The following ZNF875 variants were observed in gnomAD, a reference collection of about 807,000 sequenced individuals.
ZNF875 encodes zinc finger protein 875.
In ZNF875, 14 loss-of-function variants were observed where a neutral mutation model predicts 11.2. The ratio of observed to expected loss-of-function variants is 1.26; its 90% CI spans 0.83 to 1.96. The LOEUF (loss-of-function observed/expected upper bound fraction) is 1.96, where lower values mean the gene tolerates loss of function less well. Among genes scored for constraint, ZNF875 ranks in the 30% most tolerant of loss-of-function variants. The pLI is 0.00. For synonymous variants in ZNF875, 301 were observed against 281.1 expected, an observed-to-expected ratio of 1.07 and a Z score of -0.71; for missense variants, 752 against 760.4, an observed-to-expected ratio of 0.99 and a Z score of 0.13.
Position 37,363,046 on chromosome 19 carries a change from G to T in ZNF875, c.1194G>T (p.Glu398Asp). 2 of 1,614,094 alleles carry T rather than the reference G, an allele frequency of 1.2e-6. No homozygotes were observed. Among genetic ancestry groups the T allele is most frequent in the Non-Finnish European group, 1.7e-6 (2 of 1,180,016 alleles). Residue 398 changes from glutamate to aspartate, a missense_variant, in exon 5 of 5, where the codon GAG (glutamate) becomes GAT (aspartate). Transcript: ENST00000392153. ...HSGEKPYICR[E>D]CEQGFSQKSH... ...GAGAGAAGCCTTACATTTGCAGGGA[G>T]TGTGAGCAAGGCTTTAGCCAGAAGT...
At chr19:37,321,400 A>G (rs1208134044) in intron 1 of ZNF875, among the ~76,000 whole-genome samples, 1 of 152,150 alleles carries the variant, frequency 6.6e-6, no homozygotes, top group Non-Finnish European at 1.5e-5. Context: ...AACCTTGTTT[A>G]TGACACAGAG....
At position 37,335,161 on chromosome 19, in the gene ZNF875, A is replaced by G. The variant is rs975700929; in HGVS notation, c.-56-8A>G. 1.0e-5 allele frequency: 7 copies of G among 699,182 alleles called. No individual in the cohort carries two copies. Among genetic ancestry groups the G allele is most frequent in the African/African-American group, 7.0e-5 (4 of 57,130 alleles). 43.3% of individuals were successfully genotyped at this position (699,182 alleles called of 1,614,324 possible). A position where few individuals can be genotyped will look rare whatever the true frequency, so the allele number is the denominator to read the frequency against. ...CTAGGCCACTCTTATTTCTCTTCACATCCCCAGATCTGTCTTCTGAGACTT... is the reference window on the plus strand; with the variant it reads ...CTAGGCCACTCTTATTTCTCTTCACGTCCCCAGATCTGTCTTCTGAGACTT... On this transcript the variant is annotated splice_polypyrimidine_tract_variant and splice_region_variant and intron_variant, in intron 1 of 4. Transcript: ENST00000392153.
intron 1 of ZNF875, among the ~76,000 whole-genome samples, chr19:37,318,435 G>A (rs1337516143): frequency 6.6e-6 from 1 of 151,882 alleles, no homozygotes; most frequent in Non-Finnish European, 1.5e-5. Context: ...ATGGCATTTT[G>A]TTGTTGTTGC....
At chr19:37,334,526 C>G (rs376325254), upstream of ZNF875, 1 of 362,974 alleles carries the variant, frequency 2.8e-6, no homozygotes, top group Admixed American at 3.5e-5. Context: ...GTCAGTCACC[C>G]TGTGTGGTGG....
At chr19:37,355,259 G>A (rs1320417192) in intron 4 of ZNF875, among the ~76,000 whole-genome samples, 4 of 151,996 alleles carry the variant, frequency 2.6e-5, no homozygotes, top group Admixed American at 6.6e-5. Context: ...GCACGATCTC[G>A]GCTCACTGCA....
chr19:37,333,204 T>G (rs1371295289), upstream of ZNF875, among the ~76,000 whole-genome samples: 1 of 152,194 alleles, frequency 6.6e-6, no homozygotes, highest in African/African-American at 2.4e-5. Context: ...CATAGTGATT[T>G]GGATTATCTC....
chr19:37,351,515 G>A (rs2037894005), intron 4 of ZNF875, among the ~76,000 whole-genome samples: 2 of 152,052 alleles, frequency 1.3e-5, no homozygotes, highest in African/African-American at 4.8e-5. Context: ...AGAAGCTTAG[G>A]TCATTGGTAT....
chr19:37,325,550 C>CTT (rs34494440), intron 4 of ZNF875, among the ~76,000 whole-genome samples: 20 of 146,516 alleles, frequency 1.4e-4, no homozygotes, highest in South Asian at 6.5e-4. Flanking sequence ...AAATCATTTA[C>CTT]TTTTTTTTTT....
At chr19:37,347,689 G>T in intron 3 of ZNF875, 88 bp from the exon 4 acceptor site, 3 of 816,236 alleles carry the variant, frequency 3.7e-6, no homozygotes, top group Middle Eastern at 2.2e-4. Flanking sequence ...TTATCCTCTG[G>T]GTTTCCTCAC....
intron 4 of ZNF875, among the ~76,000 whole-genome samples, chr19:37,360,183 C>T (rs2039672325): frequency 6.6e-6 from 1 of 152,062 alleles, no homozygotes; most frequent in Non-Finnish European, 1.5e-5. Context: ...AAAGAGTATC[C>T]TTCCTCCCAT....
At chr19:37,327,497 G>T (rs1297431653) in intron 4 of ZNF875, among the ~76,000 whole-genome samples, 1 of 151,992 alleles carries the variant, frequency 6.6e-6, no homozygotes, top group Non-Finnish European at 1.5e-5. Context: ...GGCAGGCATA[G>T]TGGCTCATAC....
intron 4 of ZNF875, chr19:37,358,130 GATC>G: frequency 2.2e-5 from 4 of 184,968 alleles, no homozygotes; most frequent in Non-Finnish European, 4.1e-5. Context: ...CTATTAAGAT[GATC>G]TTTTTTTTTT....
intron 2 of ZNF875, 126 bp from the exon 3 acceptor site, chr19:37,347,064 A>T: frequency 8.0e-7 from 1 of 1,254,234 alleles, no homozygotes; most frequent in Non-Finnish European, 1.2e-6. Context: ...TGATCCGCCC[A>T]CCTTGGCCTC....
rs557849089 is a variant in ZNF875, at chr19:37,318,356, A to T, written c.-747+170A>T. Among the ~76,000 whole-genome samples, 5 of 151,926 alleles carry T rather than the reference A, an allele frequency of 3.3e-5. 1 individual carries two copies. Among genetic ancestry groups the T allele is most frequent in the Admixed American group, 3.3e-4 (5 of 15,268 alleles). On this transcript the variant is annotated intron_variant, in intron 1 of 5. Coordinates refer to the ZNF875 transcript ENST00000544914. ...TTTATAATAAAGCACCCCAACCTTT[A>T]AAAAAAATCTCACTTTTTGCCAGTT...
chr19:37,323,697 A>G (rs1187780106), intron 3 of ZNF875: 1 of 152,098 alleles, frequency 6.6e-6, no homozygotes, highest in Non-Finnish European at 1.5e-5. Context: ...AACGGAAAAG[A>G]GAAAAGGCCC....
intron 4 of ZNF875, among the ~76,000 whole-genome samples, chr19:37,354,898 G>A (rs2038624942): frequency 6.6e-6 from 1 of 152,122 alleles, no homozygotes; most frequent in African/African-American, 2.4e-5. Flanking sequence ...ATCACCAAAT[G>A]GGCTACCATC....
At position 37,363,058 on chromosome 19, in the gene ZNF875, C is replaced by G. The variant is rs373244124; in HGVS notation, c.1206C>G (p.Gly402=). Residue 402 remains glycine (G), a synonymous_variant, in exon 5 of 5, where the codon GGC becomes GGG. Coordinates refer to ENST00000392153, the MANE Select transcript of ZNF875 (RefSeq NM_001353803.2). ...ACATTTGCAGGGAGTGTGAGCAAGGCTTTAGCCAGAAGTCACACCTCATCA... is the reference window on the plus strand; with the variant it reads ...ACATTTGCAGGGAGTGTGAGCAAGGGTTTAGCCAGAAGTCACACCTCATCA... ...KPYICRECEQ[G]FSQKSHLIRH... is the part of the protein sequence containing the mutation. 2 of 1,613,940 alleles carry G rather than the reference C, an allele frequency of 1.2e-6. No individual in the cohort carries two copies. The highest frequency in any genetic ancestry group is 2.7e-5 in the African/African-American group (2 of 74,902).
chr19:37,345,537 C>T (rs1412922911), intron 2 of ZNF875, among the ~76,000 whole-genome samples: 1 of 152,116 alleles, frequency 6.6e-6, no homozygotes, highest in African/African-American at 2.4e-5. Context: ...AGAGACAAGG[C>T]ATGTACCTAA....
Position 37,363,607 on chromosome 19 carries a change from G to T in ZNF875, c.1755G>T (p.Gly585=), listed in dbSNP as rs371013801. Residue 585 remains glycine (G), a synonymous_variant, in exon 5 of 5, where the codon GGG becomes GGT. Transcript: ENST00000392153. ...LIKHQRAHAG[G]KPHVCRECGQ... is the part of the protein sequence containing the mutation. ...AACACCAGAGAGCACACGCAGGGGGGAAGCCTCATGTGTGCAGGGAGTGTG... is the reference window on the plus strand; with the variant it reads ...AACACCAGAGAGCACACGCAGGGGGTAAGCCTCATGTGTGCAGGGAGTGTG... 354 of 1,612,754 alleles carry T rather than the reference G, an allele frequency of 2.2e-4. No individual in the cohort carries two copies. The highest frequency in any genetic ancestry group is 2.8e-4 in the Non-Finnish European group (330 of 1,179,664).
Sources: allele counts gnomAD v4.1 joint callset (sites outside exome capture counted in the v4.1 genomes callset), GRCh38; gene constraint gnomAD v4.1.1; transcripts MANE v1.5; gene names NCBI Gene and HGNC (gene_info 2026-07-23, HGNC 2026-07-21).